Variants in COL4A4 observed in about 807,000 individuals in gnomAD.
COL4A4 encodes the protein collagen type IV alpha 4 chain, also known as collagen alpha-4(IV) chain.
Under a neutral mutation model 192.9 loss-of-function variants are expected in COL4A4, and 105 were observed. The observed-to-expected ratio is 0.54, with a 90% CI of 0.46 to 0.64. COL4A4 has a LOEUF of 0.64. COL4A4 is among the 30% of genes least tolerant of loss of function. The pLI is 0.00. For missense variants in COL4A4, 1,967 were observed against 2,169.3 expected, an observed-to-expected ratio of 0.91 and a Z score of 1.85; for synonymous variants, 762 against 769.9, an observed-to-expected ratio of 0.99 and a Z score of 0.17.
In COL4A4 at chr2:227,078,102, A is replaced by G. The variant is rs773997694; in HGVS notation, c.1804-25T>C. 2.5e-6 allele frequency: 4 copies of G among 1,611,822 alleles called. No individual in the cohort carries two copies. In the East Asian group the frequency reaches 6.7e-5, roughly 27 times the overall value. ...CCTGGGAATGTTATGTCATGAGTCA[A>G]TTACCAACCACTGAATGTCCATGAA... On this transcript the variant is annotated intron_variant, in intron 24 of 47. Coordinates refer to ENST00000396625, the MANE Select transcript of COL4A4 (RefSeq NM_000092.5).
Position 227,088,782 on chromosome 2 carries a change from G to A in COL4A4, c.1494C>T (p.Pro498=), listed in dbSNP as rs779981945. 2 of 1,614,162 alleles carry A rather than the reference G, an allele frequency of 1.2e-6. No individual in the cohort carries two copies. Among genetic ancestry groups the A allele is most frequent in the Non-Finnish European group, 8.5e-7 (1 of 1,180,022 alleles). The change falls in exon 22 of 48, where the codon CCC becomes CCT. Residue 498 remains proline, a synonymous_variant. Coordinates refer to ENST00000396625, the MANE Select transcript of COL4A4 (RefSeq NM_000092.5). Reference sequence around the variant, plus strand: ...GTCCTGGAGGGCCAGGGGGGCCCATGGGTCCAGGCTCACAGGCACAGAGTC... The same window carrying A: ...GTCCTGGAGGGCCAGGGGGGCCCATAGGTCCAGGCTCACAGGCACAGAGTC... The part of the protein sequence containing the change: ...NEGLCACEPG[P]MGPPGPPGLP...
chr2:226,974,044 T>C, the COL4A4 span, among the ~76,000 whole-genome samples: 2 of 152,142 alleles, frequency 1.3e-5, no homozygotes, highest in African/African-American at 4.8e-5. Flanking sequence ...TTACCCAGTT[T>C]GTCAGGCTTT....
At chr2:227,162,934 C>G (rs1246517227) in intron 1 of COL4A4, among the ~76,000 whole-genome samples, 1 of 152,214 alleles carries the variant, frequency 6.6e-6, no homozygotes, top group Non-Finnish European at 1.5e-5. Flanking sequence ...TCTTCATTCA[C>G]TGTTAGGGTT....
At chr2:227,129,153 C>T (rs2062265394) in intron 4 of COL4A4, among the ~76,000 whole-genome samples, 1 of 152,122 alleles carries the variant, frequency 6.6e-6, no homozygotes, top group Non-Finnish European at 1.5e-5. Flanking sequence ...GAAAGTCATC[C>T]CTGTATCTAC....
chr2:227,031,927 G>T lies in COL4A4; in HGVS notation c.3817+18C>A, dbSNP rs1230500760. The T allele has an allele frequency of 1.9e-6, 3 of 1,561,292 alleles. No individual in the cohort carries two copies. Among genetic ancestry groups the T allele is most frequent in the Non-Finnish European group, 2.6e-6 (3 of 1,132,566 alleles). ...AACAAAGGGAGCACTGCCATCCTTT[G>T]TCATGATTCTCTCATACCTCTTGGG... On this transcript the variant is annotated intron_variant, in intron 40 of 47. Coordinates refer to ENST00000396625, the MANE Select transcript of COL4A4 (RefSeq NM_000092.5).
At chr2:227,078,655 C>T (rs935889030) in intron 24 of COL4A4, among the ~76,000 whole-genome samples, 4 of 152,144 alleles carry the variant, frequency 2.6e-5, no homozygotes, top group African/African-American at 9.7e-5. Context: ...TTATGTCAAA[C>T]CATTCTCTAA....
the COL4A4 span, among the ~76,000 whole-genome samples, chr2:226,975,257 A>G: frequency 1.3e-5 from 2 of 152,160 alleles, no homozygotes; most frequent in Non-Finnish European, 2.9e-5. Context: ...AATTAACTTG[A>G]TTGTGGTACT....
intron 29 of COL4A4, among the ~76,000 whole-genome samples, chr2:227,056,471 A>G (rs936049445): frequency 1.1e-4 from 16 of 152,240 alleles, no homozygotes; most frequent in Non-Finnish European, 1.6e-4. Context: ...ACAGCCGAGA[A>G]GAAGTCAGAG....
At chr2:227,015,837 C>T (rs1174357948) in intron 44 of COL4A4, among the ~76,000 whole-genome samples, 3 of 152,074 alleles carry the variant, frequency 2.0e-5, no homozygotes, top group Admixed American at 1.3e-4. Flanking sequence ...AGTTTGCCAA[C>T]AAGTATGCCT....
At chr2:227,147,272 T>G (rs754335164) in intron 2 of COL4A4, 141 bp downstream of exon 2, 1 of 816,722 alleles carries the variant, frequency 1.2e-6, no homozygotes, top group Non-Finnish European at 2.1e-6. Context: ...AAATGAGTCA[T>G]GAAATGGCAG....
chr2:227,030,395 A>G (rs375711843), intron 41 of COL4A4, 48 bp downstream of exon 41: 7 of 1,599,310 alleles, frequency 4.4e-6, no homozygotes. Context: ...CCTCAAGGGT[A>G]AGATAACCAA....
At chr2:227,012,152 A>C in intron 45 of COL4A4, 29 bp downstream of exon 45, 8 of 1,515,346 alleles carry the variant, frequency 5.3e-6, no homozygotes, top group Non-Finnish European at 7.3e-6. Context: ...TTACAGTGTC[A>C]GAGAAAAGAG....
At chr2:226,980,029 G>C in the COL4A4 span, among the ~76,000 whole-genome samples, 1 of 152,324 alleles carries the variant, frequency 6.6e-6, no homozygotes, top group South Asian at 2.1e-4. Flanking sequence ...GTCTGGGCTT[G>C]TGTGACTAAC....
chr2:227,005,411 T>A lies in COL4A4; in HGVS notation c.*1914A>T, dbSNP rs886055712. On this transcript the variant is annotated 3_prime_UTR_variant, in exon 48 of 48. Transcript: ENST00000396625. ...ACTTTTGGTAATAGATAAAGCTTTT[T>A]GGGAAGGAGAAAGGTAATCACAAAT... The A allele has an allele frequency of 6.6e-6, 1 of 152,126 alleles. No individual in the cohort carries two copies. Among genetic ancestry groups the A allele is most frequent in the Non-Finnish European group, 1.5e-5 (1 of 68,022 alleles). 9.4% of individuals were successfully genotyped at this position (152,126 alleles called of 1,614,324 possible).
At chr2:227,111,130 A>G (rs1474275839) in intron 9 of COL4A4, among the ~76,000 whole-genome samples, 3 of 152,248 alleles carry the variant, frequency 2.0e-5, no homozygotes, top group African/African-American at 7.2e-5. Context: ...CATAACACAA[A>G]GATTATGCAC....
chr2:227,155,657 A>G (rs1163671377), intron 1 of COL4A4, among the ~76,000 whole-genome samples: 1 of 152,122 alleles, frequency 6.6e-6, no homozygotes, highest in Non-Finnish European at 1.5e-5. Context: ...CAACAATTCC[A>G]CTAGGCAGGG....
At chr2:227,118,128 A>G (rs1253388659) in intron 7 of COL4A4, among the ~76,000 whole-genome samples, 1 of 151,552 alleles carries the variant, frequency 6.6e-6, no homozygotes, top group Non-Finnish European at 1.5e-5. Context: ...CTGACTCCGG[A>G]TCTCAGCTAG....
Position 227,052,391 on chromosome 2 carries a change from T to C in COL4A4, c.2882A>G (p.Asp961Gly), listed in dbSNP as rs753311400. Residue 961 changes from aspartate to glycine, a missense_variant, in exon 32 of 48, where the codon GAT becomes GGT. Physicochemically the swap from Asp to Gly is moderately conservative, Grantham distance 94. Coordinates refer to ENST00000396625, the MANE Select transcript of COL4A4 (RefSeq NM_000092.5). ...TGAAATGATAGCCATTTCTCCTTCA[T>C]CTCCGGGAGGTCCTATGGCTCCTAT... Reference protein sequence around the residue: ...GAKGAIGPPGDEGEMAIISQK... With the variant: ...GAKGAIGPPGGEGEMAIISQK... 6.2e-7 allele frequency: 1 copy of C among 1,610,414 alleles called. No individual in the cohort carries two copies. Among genetic ancestry groups the C allele is most frequent in the South Asian group, 1.1e-5 (1 of 91,000 alleles).
At position 227,043,176 on chromosome 2, in the gene COL4A4, C is replaced by G. The variant is rs1229097842; in HGVS notation, c.3298G>C (p.Gly1100Arg). 8 of 1,613,796 alleles carry G rather than the reference C, an allele frequency of 5.0e-6. No individual in the cohort carries two copies. The highest frequency in any genetic ancestry group is 1.3e-5 in the African/African-American group (1 of 74,914). ...PGSPGCPGHF[G>R]ASGEQGLPGI... The stretch of plus-strand genomic sequence containing the variant: ...GGCAAGCCCTGCTCTCCGGATGCTC[C>G]AAAATGCCCTAAAGAAGGAAAGATC... The change falls in exon 36 of 48, where the codon GGA (glycine) becomes CGA (arginine). Residue 1100 changes from glycine (G) to arginine (R), a missense_variant. Physicochemically the swap from Gly to Arg is moderately radical, Grantham distance 125. Coordinates refer to ENST00000396625, the MANE Select transcript of COL4A4 (RefSeq NM_000092.5).
Sources: gnomAD v4.1 joint callset for allele counts (sites outside exome capture counted in the v4.1 genomes callset) on GRCh38, gnomAD v4.1.1 for gene constraint, MANE v1.5 for transcripts, NCBI Gene and HGNC (gene_info 2026-07-23, HGNC 2026-07-21) for gene names.